HDAC8: variants seen among roughly 807,000 people sequenced by gnomAD.
HDAC8 encodes histone deacetylase 8.
HDAC8 carries 1 observed loss-of-function variant against 32.2 expected under a neutral mutation model. That is an observed-to-expected ratio of 0.03 (90% CI 0.01 to 0.15). HDAC8 has a LOEUF of 0.15. Ranked by LOEUF, HDAC8 falls within the 10% of genes least tolerant of loss-of-function variation. HDAC8 has a pLI of 1.00. For missense variants in HDAC8, 117 were observed against 300.0 expected, an observed-to-expected ratio of 0.39 and a Z score of 4.51; for synonymous variants, 108 against 113.9, an observed-to-expected ratio of 0.95 and a Z score of 0.33.
intron 7 of HDAC8, among the ~76,000 whole-genome samples, chrX:72,484,954 G>A (rs1463880659): frequency 9.0e-5 from 10 of 111,658 alleles, no homozygotes; most frequent in Non-Finnish European, 1.3e-4. Flanking sequence ...CATAGGCAGC[G>A]TAATATTTCC....
intron 9 of HDAC8, among the ~76,000 whole-genome samples, chrX:72,417,107 T>A (rs1245404456): frequency 9.0e-6 from 1 of 111,598 alleles, no homozygotes; most frequent in Non-Finnish European, 1.9e-5. Flanking sequence ...CATCACTATT[T>A]ATTTACAAAA....
chrX:72,410,864 A>T (rs1555969979), intron 9 of HDAC8, among the ~76,000 whole-genome samples: 1 of 110,977 alleles, frequency 9.0e-6, no homozygotes, highest in East Asian at 2.8e-4. Context: ...GAACTTAGAA[A>T]GTCAGAATCA....
At chrX:72,499,980 C>A (rs1439237621) in intron 4 of HDAC8, among the ~76,000 whole-genome samples, 1 of 111,280 alleles carries the variant, frequency 9.0e-6, no homozygotes, top group African/African-American at 3.3e-5. Flanking sequence ...CAAAAATAAC[C>A]AGCAGAATCT....
At chrX:72,485,058 G>C (rs1163835436) in intron 7 of HDAC8, among the ~76,000 whole-genome samples, 1 of 111,405 alleles carries the variant, frequency 9.0e-6, no homozygotes, top group African/African-American at 3.3e-5. Context: ...ATGCGTGTGT[G>C]GCCCGGGGAT....
At chrX:72,445,858 T>C (rs782375502) in intron 9 of HDAC8, among the ~76,000 whole-genome samples, 305 of 111,226 alleles carry the variant, frequency 2.7e-3, no homozygotes, top group African/African-American at 9.5e-3. Context: ...AACAACCCCA[T>C]CAAAAAGTGG....
Position 72,561,847 on chromosome X carries a change from A to G in HDAC8, c.437+6042T>C, listed in dbSNP as rs782075253. ...CAAATCAGCAAGAAAAAAGCAAATA[A>G]TCCCACTAAAAAGTGAGCTAAGGAC... is the stretch of plus-strand genomic sequence containing the variant. On this transcript the variant is annotated intron_variant, in intron 4 of 10. Transcript: ENST00000373573. Among the ~76,000 whole-genome samples, 7 of 111,811 alleles carry G rather than the reference A, an allele frequency of 6.3e-5. No homozygotes were observed. In the South Asian group the frequency reaches 2.6e-3, roughly 42 times the overall value.
intron 9 of HDAC8, among the ~76,000 whole-genome samples, chrX:72,429,102 CTT>C (rs1269023137): frequency 4.6e-5 from 5 of 107,561 alleles, no homozygotes; most frequent in Admixed American, 2.0e-4. Context: ...TTCCTGTGCC[CTT>C]GTCCTGTTGT....
chrX:72,544,465 G>A (rs181619117), intron 4 of HDAC8, among the ~76,000 whole-genome samples: 133 of 111,756 alleles, frequency 1.2e-3, no homozygotes, highest in African/African-American at 4.3e-3. Flanking sequence ...TTGGGGTAGT[G>A]AAAATGTACA....
chrX:72,359,754 G>T (rs1555951869), intron 9 of HDAC8, among the ~76,000 whole-genome samples: 1 of 111,042 alleles, frequency 9.0e-6, no homozygotes, highest in Non-Finnish European at 1.9e-5. Flanking sequence ...GAGTGGATGG[G>T]AAAGAGATAC....
At chrX:72,572,523 A>T (rs2052131173) in intron 1 of HDAC8, 128 bp downstream of exon 1, 1 of 496,640 alleles carries the variant, frequency 2.0e-6, no homozygotes. Flanking sequence ...TAGGTATCTG[A>T]TACAGCTACT....
At chrX:72,439,383 T>C (rs1287951166) in intron 9 of HDAC8, among the ~76,000 whole-genome samples, 1 of 111,192 alleles carries the variant, frequency 9.0e-6, no homozygotes, top group Non-Finnish European at 1.9e-5. Flanking sequence ...AGACCATTGA[T>C]ACTATGAACA....
intron 9 of HDAC8, among the ~76,000 whole-genome samples, chrX:72,451,389 GT>G (rs1198511361): frequency 1.8e-5 from 2 of 111,541 alleles, no homozygotes; most frequent in African/African-American, 3.3e-5. Flanking sequence ...TAGAGATGGG[GT>G]TTCACCATGT....
intron 4 of HDAC8, among the ~76,000 whole-genome samples, chrX:72,541,263 T>TGGGGGAAAAGCATTCCAGGCA (rs1307175894): frequency 1.8e-5 from 2 of 110,454 alleles, no homozygotes; most frequent in East Asian, 5.7e-4. Flanking sequence ...GGGACATCCT[T>TGGGGGAAAAGCATTCCAGGCA]GGGGGAAAAG....
intron 9 of HDAC8, among the ~76,000 whole-genome samples, chrX:72,461,796 C>G (rs1339986294): frequency 1.8e-5 from 2 of 111,719 alleles, no homozygotes; most frequent in African/African-American, 3.3e-5. Flanking sequence ...GTTGGTTGGC[C>G]TTTGAGATCT....
At chrX:72,464,149 C>CTACTTACA (rs1185619105) in intron 8 of HDAC8, among the ~76,000 whole-genome samples, 1 of 111,674 alleles carries the variant, frequency 9.0e-6, no homozygotes, top group African/African-American at 3.3e-5. Context: ...TGTGTGTTTA[C>CTACTTACA]TACTTACATA....
Position 72,414,917 on chromosome X carries a change from A to G in HDAC8, c.1005+47087T>C, listed in dbSNP as rs561437081. Among the ~76,000 whole-genome samples, 52 of 112,051 alleles carry G rather than the reference A, an allele frequency of 4.6e-4. No homozygotes were observed. The South Asian group carries it at 0.018, about 39-fold the overall frequency. ...TTATCAAGTAACTTTCTGATTTTCT[A>G]TTTTAGTTTCCTAGGTTCCTTGATC... On this transcript the variant is annotated intron_variant, in intron 9 of 10. Transcript: ENST00000373573.
intron 4 of HDAC8, among the ~76,000 whole-genome samples, chrX:72,533,073 T>C (rs1209166688): frequency 8.9e-6 from 1 of 111,851 alleles, no homozygotes; most frequent in Non-Finnish European, 1.9e-5. Context: ...TTCACTCTTT[T>C]GAAGGTGGTT....
At chrX:72,502,263 A>G (rs926735728) in intron 4 of HDAC8, among the ~76,000 whole-genome samples, 1 of 112,168 alleles carries the variant, frequency 8.9e-6, no homozygotes, top group African/African-American at 3.2e-5. Flanking sequence ...CAGCAATCCC[A>G]CTACTGTGTA....
In HDAC8 at chrX:72,441,082, C is replaced by A. The variant is rs1234525053; in HGVS notation, c.1005+20922G>T. On this transcript the variant is annotated intron_variant, in intron 9 of 10. Transcript: ENST00000373573. ...ACAGCTCAAGGAGGCCTGCCTGCCT[C>A]TGTAGGCTCCACCTCCGGGGGCAGG... 3.5e-5 allele frequency among the ~76,000 whole-genome samples: 4 copies of A among 113,139 alleles called. No homozygotes were observed. In the Admixed American group the frequency reaches 3.7e-4, roughly 10 times the overall value.
Sources: allele counts gnomAD v4.1 joint callset (sites outside exome capture counted in the v4.1 genomes callset), GRCh38; gene constraint gnomAD v4.1.1; transcripts MANE v1.5; gene names NCBI Gene and HGNC (gene_info 2026-07-23, HGNC 2026-07-21).